Variants in ZNF780B observed in about 807,000 individuals in gnomAD.
The protein encoded by ZNF780B is zinc finger protein 779.
In ZNF780B, 52 loss-of-function variants were observed where a neutral mutation model predicts 74.1. The ratio of observed to expected loss-of-function variants is 0.70; its 90% CI spans 0.56 to 0.88. ZNF780B has a LOEUF of 0.88. ZNF780B is among the 40% of genes least tolerant of loss of function. ZNF780B has a pLI of 0.00. For missense variants in ZNF780B, 953 were observed against 1,007.6 expected, an observed-to-expected ratio of 0.95 and a Z score of 0.73; for synonymous variants, 315 against 324.3, an observed-to-expected ratio of 0.97 and a Z score of 0.31.
intron 4 of ZNF780B, among the ~76,000 whole-genome samples, chr19:40,041,793 T>C (rs1428086671): frequency 3.3e-5 from 5 of 152,226 alleles, no homozygotes; most frequent in Non-Finnish European, 7.3e-5. Context: ...TTTGAGCCTA[T>C]GTGTGTCTCT....
chr19:40,040,056 A>T (rs903109355), intron 4 of ZNF780B, among the ~76,000 whole-genome samples: 14 of 152,150 alleles, frequency 9.2e-5, no homozygotes, highest in Non-Finnish European at 1.5e-5. Flanking sequence ...TTTGTCATAG[A>T]TAGCTCTTAT....
At chr19:40,055,714 C>T (rs1367145195) in intron 1 of ZNF780B, 1 of 152,294 alleles carries the variant, frequency 6.6e-6, no homozygotes, top group Non-Finnish European at 1.5e-5. Flanking sequence ...AGAGGCACTT[C>T]CAGCTCTCAT....
In ZNF780B at chr19:40,035,310, C is replaced by A. The variant is rs780371726; in HGVS notation, c.1549G>T (p.Val517Phe). 2 of 1,613,074 alleles carry A rather than the reference C, an allele frequency of 1.2e-6. No homozygotes were observed. Among genetic ancestry groups the A allele is most frequent in the Non-Finnish European group, 1.7e-6 (2 of 1,179,682 alleles). ...GKAFNRGSNL[V>F]QHQSIHTGEK... ...CCAGTGTGAATACTCTGATGTTGAA[C>A]AAGGTTCGAGCCACGATTGAAGGCC... The change falls in exon 5 of 5, where the codon GTT becomes TTT. Residue 517 changes from valine to phenylalanine, a missense_variant. By Grantham distance (50) the Val-to-Phe change is conservative. Coordinates refer to ENST00000434248, the MANE Select transcript of ZNF780B (RefSeq NM_001005851.3).
In ZNF780B at chr19:40,036,387, TAGG is replaced by T; in HGVS notation, c.469_471del (p.Pro157del). The T allele has an allele frequency of 6.2e-7, 1 of 1,611,060 alleles. No homozygotes were observed. ...TCATATGGTTTATGTGTATTATGAA[TAGG>T]AGAAGCATGAGTATAAGCAGGCATT... On this transcript the variant is annotated inframe_deletion, in exon 5 of 5. Coordinates refer to ENST00000434248, the MANE Select transcript of ZNF780B (RefSeq NM_001005851.3).
chr19:40,044,735 C>T (rs1385390340), intron 4 of ZNF780B, among the ~76,000 whole-genome samples: 1 of 152,028 alleles, frequency 6.6e-6, no homozygotes. Context: ...CAAATGTTAC[C>T]CCTAAAGAAA....
chr19:40,040,582 T>C (rs1245297072), intron 4 of ZNF780B, among the ~76,000 whole-genome samples: 1 of 152,226 alleles, frequency 6.6e-6, no homozygotes, highest in African/African-American at 2.4e-5. Flanking sequence ...TTGCCACAAT[T>C]TCAGAGCCTG....
chr19:40,042,672 C>T (rs1250560530), intron 4 of ZNF780B, among the ~76,000 whole-genome samples: 1 of 152,098 alleles, frequency 6.6e-6, no homozygotes, highest in African/African-American at 2.4e-5. Flanking sequence ...TCACTGATAC[C>T]CTTTCTTCCA....
intron 4 of ZNF780B, among the ~76,000 whole-genome samples, chr19:40,044,025 G>A (rs558726879): frequency 6.6e-6 from 1 of 152,190 alleles, no homozygotes; most frequent in South Asian, 2.1e-4. Context: ...CACCGGAGCT[G>A]TTCCTATTCG....
At position 40,035,585 on chromosome 19, in the gene ZNF780B, C is replaced by T. The variant is rs766585971; in HGVS notation, c.1274G>A (p.Gly425Asp). ...AATAAGATTTGCACCACGATTAAAG[C>T]CTTTCCCACACTCCTTACATTCATA... ...KPYECKECGK[G>D]FNRGANLIQH... The change falls in exon 5 of 5, where the codon GGC becomes GAC. Residue 425 changes from glycine to aspartate, a missense_variant. Coordinates refer to ENST00000434248, the MANE Select transcript of ZNF780B (RefSeq NM_001005851.3). 6.2e-7 allele frequency: 1 copy of T among 1,607,230 alleles called. No homozygotes were observed. Among genetic ancestry groups the T allele is most frequent in the Admixed American group, 1.7e-5 (1 of 59,272 alleles).
Position 40,040,870 on chromosome 19 carries a change from T to C in ZNF780B, c.233-4244A>G, listed in dbSNP as rs180865363. On this transcript the variant is annotated intron_variant, in intron 4 of 4. Transcript: ENST00000434248. ...TCTTTTCAAAAGACCAGCTCCTGGA[T>C]TCATTAATTTTTTGAAGGGTTTTTT... Among the ~76,000 whole-genome samples the C allele has an allele frequency of 7.2e-5, 11 of 152,330 alleles. No homozygotes were observed. In the East Asian group the frequency reaches 1.9e-3, roughly 27 times the overall value.
At chr19:40,043,247 C>G (rs545024953) in intron 4 of ZNF780B, among the ~76,000 whole-genome samples, 5 of 152,074 alleles carry the variant, frequency 3.3e-5, no homozygotes, top group Admixed American at 1.3e-4. Flanking sequence ...ATTGGTGACC[C>G]GCAAATGCTG....
intron 4 of ZNF780B, among the ~76,000 whole-genome samples, chr19:40,038,936 T>C (rs1427838718): frequency 6.6e-6 from 1 of 151,976 alleles, no homozygotes; most frequent in Non-Finnish European, 1.5e-5. Flanking sequence ...TTTGTCAATT[T>C]TGGCTTTTGT....
chr19:40,037,043 T>A (rs1198854090), intron 4 of ZNF780B, among the ~76,000 whole-genome samples: 6 of 151,098 alleles, frequency 4.0e-5, no homozygotes, highest in African/African-American at 1.5e-4. Flanking sequence ...GCCTCCAGAG[T>A]AGCTGGGATT....
At chr19:40,044,264 A>G (rs976275063) in intron 4 of ZNF780B, among the ~76,000 whole-genome samples, 3 of 152,252 alleles carry the variant, frequency 2.0e-5, no homozygotes, top group African/African-American at 7.2e-5. Flanking sequence ...AGATGCAGAC[A>G]TCTTGATACA....
rs1297835431 is a variant in ZNF780B at position 40,030,776 on chromosome 19, C to T, written c.*3581G>A. On this transcript the variant is annotated 3_prime_UTR_variant, in exon 5 of 5. Transcript: ENST00000434248. ...TTCTGACAACTCTTAATGATACTACCGGGATGTGCAATGACCCAGAAAGGA... is the reference window on the plus strand; with the variant it reads ...TTCTGACAACTCTTAATGATACTACTGGGATGTGCAATGACCCAGAAAGGA... 6 of 152,206 alleles carry T rather than the reference C, an allele frequency of 3.9e-5. No individual in the cohort carries two copies. In the South Asian group the frequency reaches 6.2e-4, roughly 16 times the overall value. 9.4% of individuals were successfully genotyped at this position (152,206 alleles called of 1,614,324 possible). A position where few individuals can be genotyped will look rare whatever the true frequency, so the allele number is the denominator to read the frequency against.
rs1400482105 is a variant in ZNF780B at position 40,034,517 on chromosome 19, T to C, written c.2342A>G (p.Tyr781Cys). Reference sequence around the variant, plus strand: ...AGCCTTCCCACACTCCTTACATTCATAGGGTTTCTCACCAGTATGAATACT... The same window carrying C: ...AGCCTTCCCACACTCCTTACATTCACAGGGTTTCTCACCAGTATGAATACT... Reference protein sequence around the residue: ...PQSIHTGEKPYECKECGKAFR... With the variant: ...PQSIHTGEKPCECKECGKAFR... The change falls in exon 5 of 5, where the codon TAT (tyrosine) becomes TGT (cysteine). Residue 781 changes from tyrosine (Y) to cysteine (C), a missense_variant. By Grantham distance (194) the Tyr-to-Cys change is radical (BLOSUM62 -2). Coordinates refer to ENST00000434248, the MANE Select transcript of ZNF780B (RefSeq NM_001005851.3). 28 of 1,613,632 alleles carry C rather than the reference T, an allele frequency of 1.7e-5. No homozygotes were observed. Among genetic ancestry groups the C allele is most frequent in the Non-Finnish European group, 2.3e-5 (27 of 1,179,902 alleles).
rs890564591 is a variant in ZNF780B at position 40,035,536 on chromosome 19, A to G, written c.1323T>C (p.Asn441=). The G allele has an allele frequency of 2.5e-6, 4 of 1,613,396 alleles. No individual in the cohort carries two copies. In the African/African-American group the frequency reaches 4.0e-5, roughly 16 times the overall value. ...NLIQHQKIHS[N]EKPFVCRECE... ...ATTCCCTACATACAAAGGGTTTCTC[A>G]TTGGAATGAATTTTTTGATGCTGAA... The change falls in exon 5 of 5, where the codon AAT becomes AAC. Residue 441 remains asparagine (N), a synonymous_variant. Coordinates refer to ENST00000434248, the MANE Select transcript of ZNF780B (RefSeq NM_001005851.3).
chr19:40,041,654 T>G (rs955285560), intron 4 of ZNF780B, among the ~76,000 whole-genome samples: 3 of 152,202 alleles, frequency 2.0e-5, no homozygotes, highest in African/African-American at 7.2e-5. Context: ...CCTTTACCAT[T>G]ATGTAATGGC....
rs747772580 is a variant in ZNF780B at position 40,036,149 on chromosome 19, T to A, written c.710A>T (p.Asn237Ile). ...GKAFNLPTQLNRHKNIHTVKK... is the reference protein window; with the variant it reads ...GKAFNLPTQLIRHKNIHTVKK... ...AACTGTGTGAATGTTCTTATGGCGA[T>A]TAAGCTGGGTGGGAAGATTAAAGGC... Residue 237 changes from asparagine (N) to isoleucine (I), a missense_variant, in exon 5 of 5, where the codon AAT (asparagine) becomes ATT (isoleucine). Coordinates refer to ENST00000434248, the MANE Select transcript of ZNF780B (RefSeq NM_001005851.3). 1.3e-5 allele frequency: 21 copies of A among 1,614,002 alleles called. No homozygotes were observed. Among genetic ancestry groups the A allele is most frequent in the Non-Finnish European group, 1.7e-5 (20 of 1,179,966 alleles).
Sources: gnomAD v4.1 joint callset for allele counts (sites outside exome capture counted in the v4.1 genomes callset) on GRCh38, gnomAD v4.1.1 for gene constraint, MANE v1.5 for transcripts, NCBI Gene and HGNC (gene_info 2026-07-23, HGNC 2026-07-21) for gene names.